The following ALK variants were observed in gnomAD, a reference collection of about 807,000 sequenced individuals.
ALK encodes ALK receptor tyrosine kinase.
In ALK, 74 loss-of-function variants were observed where a neutral mutation model predicts 163.1. The observed-to-expected ratio is 0.45, with a 90% CI of 0.38 to 0.55. ALK has a LOEUF of 0.55. ALK is among the 20% of genes least tolerant of loss of function. The pLI, the probability that ALK is intolerant of heterozygous loss-of-function variation, is 0.00. For missense variants in ALK, 2,063 were observed against 2,105.3 expected, an observed-to-expected ratio of 0.98 and a Z score of 0.39; for synonymous variants, 960 against 843.2, an observed-to-expected ratio of 1.14 and a Z score of -2.40.
intron 3 of ALK, among the ~76,000 whole-genome samples, chr2:29,588,517 C>T (rs66556850): frequency 0.073 from 11,080 of 152,176 alleles, 434 homozygotes; most frequent in African/African-American, 0.086. Flanking sequence ...AGACATGAGC[C>T]ACCGCACCTG....
intron 1 of ALK, among the ~76,000 whole-genome samples, chr2:29,901,275 A>G (rs1382887439): frequency 1.3e-5 from 2 of 152,142 alleles, no homozygotes; most frequent in Non-Finnish European, 2.9e-5. Flanking sequence ...TGTTCAATAA[A>G]CTTCAGTGCC....
chr2:29,562,977 A>T (rs1007855315), intron 3 of ALK, among the ~76,000 whole-genome samples: 2 of 152,198 alleles, frequency 1.3e-5, no homozygotes, highest in African/African-American at 4.8e-5. Context: ...TCCTGCATGG[A>T]GAGGCCATTT....
At chr2:29,503,386 T>G (rs1409970085) in intron 4 of ALK, among the ~76,000 whole-genome samples, 4 of 152,200 alleles carry the variant, frequency 2.6e-5, no homozygotes, top group Admixed American at 6.5e-5. Context: ...ACAACTAATA[T>G]GCTCCAGGTT....
intron 4 of ALK, among the ~76,000 whole-genome samples, chr2:29,421,412 T>G (rs1321290620): frequency 6.6e-6 from 1 of 151,504 alleles, no homozygotes; most frequent in Non-Finnish European, 1.5e-5. Context: ...CCACATTTGT[T>G]GAGCACCTAT....
intron 4 of ALK, among the ~76,000 whole-genome samples, chr2:29,395,228 C>T (rs1669274010): frequency 6.6e-6 from 1 of 152,164 alleles, no homozygotes; most frequent in Non-Finnish European, 1.5e-5. Context: ...CCCAAAGGCT[C>T]CATTTCAGCC....
chr2:29,794,707 C>A (rs1664264523), intron 1 of ALK, among the ~76,000 whole-genome samples: 1 of 152,100 alleles, frequency 6.6e-6, no homozygotes, highest in African/African-American at 2.4e-5. Context: ...GTTGGTAGAG[C>A]AATCAGAGCA....
chr2:29,619,867 C>T (rs185167043), intron 3 of ALK, among the ~76,000 whole-genome samples: 4 of 152,296 alleles, frequency 2.6e-5, no homozygotes, highest in African/African-American at 9.6e-5. Flanking sequence ...CAGGAGGCAG[C>T]CCCTGGGGCA....
At chr2:29,749,217 G>C (rs1680286932) in intron 1 of ALK, among the ~76,000 whole-genome samples, 1 of 152,220 alleles carries the variant, frequency 6.6e-6, no homozygotes. Context: ...TAGGTCTGGG[G>C]TGGAGCCCAA....
chr2:29,423,373 G>A (rs562439786), intron 4 of ALK, among the ~76,000 whole-genome samples: 2 of 152,292 alleles, frequency 1.3e-5, no homozygotes, highest in East Asian at 3.9e-4. Flanking sequence ...ACATTGCATT[G>A]ACCTGGCCAA....
chr2:29,244,056 A>G (rs897967171), intron 12 of ALK, among the ~76,000 whole-genome samples: 1 of 152,202 alleles, frequency 6.6e-6, no homozygotes, highest in Non-Finnish European at 1.5e-5. Flanking sequence ...TGCCTGCCGG[A>G]TCCTGAAATG....
chr2:29,249,919 C>CG (rs1664774837), intron 12 of ALK, among the ~76,000 whole-genome samples: 2 of 152,160 alleles, frequency 1.3e-5, no homozygotes. Context: ...CATTTCTGCC[C>CG]GGAGTGCCAT....
intron 3 of ALK, among the ~76,000 whole-genome samples, chr2:29,651,097 C>A (rs1005982272): frequency 1.3e-5 from 2 of 152,052 alleles, no homozygotes; most frequent in Non-Finnish European, 2.9e-5. Flanking sequence ...TCTCAGCCCC[C>A]TCTATGACAA....
intron 3 of ALK, among the ~76,000 whole-genome samples, chr2:29,542,600 T>C (rs1337177924): frequency 6.6e-6 from 1 of 152,242 alleles, no homozygotes; most frequent in Admixed American, 6.5e-5. Flanking sequence ...GTTTCAGCGT[T>C]TTCTAGTGTC....
intron 1 of ALK, among the ~76,000 whole-genome samples, chr2:29,744,307 C>A (rs1024597036): frequency 6.6e-6 from 1 of 152,196 alleles, no homozygotes; most frequent in African/African-American, 2.4e-5. Context: ...GTGGGAGAGA[C>A]ACTATGGCAG....
intron 3 of ALK, among the ~76,000 whole-genome samples, chr2:29,627,769 A>C (rs1372400457): frequency 6.6e-6 from 1 of 152,222 alleles, no homozygotes; most frequent in African/African-American, 2.4e-5. Context: ...ATAAGTGTTA[A>C]ACAATTCATC....
intron 11 of ALK, among the ~76,000 whole-genome samples, chr2:29,253,357 G>C (rs1328512154): frequency 6.6e-6 from 1 of 152,114 alleles, no homozygotes; most frequent in African/African-American, 2.4e-5. Flanking sequence ...CAGGGTTTGG[G>C]GGCAGCTTCA....
intron 1 of ALK, among the ~76,000 whole-genome samples, chr2:29,847,279 TA>T (rs1665872250): frequency 6.6e-6 from 1 of 152,020 alleles, no homozygotes; most frequent in Non-Finnish European, 1.5e-5. Context: ...AGTCGGGGAA[TA>T]GGGTGGTGGT....
intron 1 of ALK, among the ~76,000 whole-genome samples, chr2:29,903,350 T>C (rs888766043): frequency 2.0e-5 from 3 of 152,188 alleles, no homozygotes; most frequent in African/African-American, 7.2e-5. Context: ...CCTTTTAATA[T>C]ACCACATTTA....
chr2:29,764,448 G>A (rs932923213), intron 1 of ALK, among the ~76,000 whole-genome samples: 3 of 152,136 alleles, frequency 2.0e-5, no homozygotes, highest in Admixed American at 6.5e-5. Context: ...ATCAGTGAAC[G>A]TCCCAAATCA....
Sources: allele counts gnomAD v4.1 joint callset (sites outside exome capture counted in the v4.1 genomes callset), GRCh38; gene constraint gnomAD v4.1.1; transcripts MANE v1.5; gene names NCBI Gene and HGNC (gene_info 2026-07-23, HGNC 2026-07-21).